SLC25A20: variants seen among roughly 807,000 people sequenced by gnomAD.
SLC25A20 encodes the protein solute carrier family 25 member 20.
Under a neutral mutation model 39.7 loss-of-function variants are expected in SLC25A20, and 29 were observed. The observed-to-expected ratio is 0.73, with a 90% confidence interval of 0.54 to 1.00. The LOEUF (loss-of-function observed/expected upper bound fraction) is 1.00. SLC25A20 is among the 50% of genes least tolerant of loss of function. The pLI is 0.00. For missense variants in SLC25A20, 333 were observed against 379.9 expected (o/e 0.88, Z 1.03); for synonymous variants, 103 against 142.2 (o/e 0.72, Z 1.96).
chr3:48,868,959 C>T (rs2083691455), intron 4 of SLC25A20, among the ~76,000 whole-genome samples: 1 of 152,192 alleles, frequency 6.6e-6, no homozygotes, highest in Admixed American at 6.6e-5. Context: ...GCATCCCTGA[C>T]AGCTGGTACC....
intron 4 of SLC25A20, among the ~76,000 whole-genome samples, chr3:48,871,966 C>T (rs2083718871): frequency 6.7e-6 from 1 of 149,742 alleles, no homozygotes; most frequent in Admixed American, 6.8e-5. Context: ...CAGGTGCATA[C>T]CACCATGCCC....
chr3:48,875,240 T>C (rs2083746870), intron 4 of SLC25A20, among the ~76,000 whole-genome samples: 1 of 150,994 alleles, frequency 6.6e-6, no homozygotes. Flanking sequence ...GTAGCTGGGA[T>C]TACAGACGCC....
intron 5 of SLC25A20, 81 bp from the exon 6 acceptor site, chr3:48,859,708 A>G: frequency 9.1e-7 from 1 of 1,101,896 alleles, no homozygotes; most frequent in Non-Finnish European, 1.4e-6. Context: ...AATCTCAGCA[A>G]TTTAGGAGAT....
At chr3:48,887,294 G>A (rs2083836494) in intron 2 of SLC25A20, among the ~76,000 whole-genome samples, 1 of 152,100 alleles carries the variant, frequency 6.6e-6, no homozygotes, top group African/African-American at 2.4e-5. Flanking sequence ...ACCCCTGCCT[G>A]GCAGCTCCAG....
At chr3:48,888,753 G>C (rs1227504608) in intron 2 of SLC25A20, among the ~76,000 whole-genome samples, 2 of 151,784 alleles carry the variant, frequency 1.3e-5, no homozygotes, top group Non-Finnish European at 2.9e-5. Context: ...TTTAATCAAG[G>C]CTATAAATTT....
intron 4 of SLC25A20, among the ~76,000 whole-genome samples, chr3:48,869,805 T>A (rs1472388956): frequency 2.0e-5 from 3 of 151,990 alleles, no homozygotes; most frequent in Non-Finnish European, 4.4e-5. Flanking sequence ...GGTGAGACTC[T>A]GTCTCTAGAA....
chr3:48,859,267 C>G (rs2083604851), intron 6 of SLC25A20, 66 bp from the exon 7 acceptor site: 3 of 1,446,976 alleles, frequency 2.1e-6, no homozygotes, highest in Admixed American at 3.5e-5. Context: ...GACTATCCTG[C>G]CTGTGGCAGA....
At chr3:48,870,816 T>C (rs1299586787) in intron 4 of SLC25A20, among the ~76,000 whole-genome samples, 1 of 17,878 alleles carries the variant, frequency 5.6e-5, no homozygotes, top group Non-Finnish European at 1.2e-4. Flanking sequence ...GGAATCAGAT[T>C]TTTTTTTTTT....
chr3:48,881,508 G>A (rs1011810969), intron 3 of SLC25A20, among the ~76,000 whole-genome samples: 1 of 152,168 alleles, frequency 6.6e-6, no homozygotes. Context: ...AGGCATCTTT[G>A]AGAGCTAGAC....
In SLC25A20 at chr3:48,858,731, A is replaced by T; in HGVS notation, c.719-100T>A. 2.1e-6 allele frequency: 3 copies of T among 1,453,644 alleles called. No homozygotes were observed. In the South Asian group the frequency reaches 3.4e-5, roughly 17 times the overall value. 90.0% of individuals were successfully genotyped at this position (1,453,644 alleles called of 1,614,324 possible). A position where few individuals can be genotyped will look rare whatever the true frequency, so the allele number is the denominator to read the frequency against. On this transcript the variant is annotated intron_variant, in intron 7 of 8. Transcript: ENST00000319017. ...CTAGCACAGGGAAAGGACACCTTGC[A>T]GGTCATGTGGGACCAGTCCATAGAC...
At position 48,889,101 on chromosome 3, in the gene SLC25A20, A is replaced by C. The variant is rs1270322981; in HGVS notation, c.198+2879T>G. Among the ~76,000 whole-genome samples, 3 of 152,030 alleles carry C rather than the reference A, an allele frequency of 2.0e-5. No individual in the cohort carries two copies. In the East Asian group the frequency reaches 5.8e-4, roughly 29 times the overall value. On this transcript the variant is annotated intron_variant, in intron 2 of 8. Transcript: ENST00000319017. ...GCAAAACTCCGTCTCAAAAAAAAAA[A>C]AGTTATATTTTAGGAAGCAAAGGAA...
intron 4 of SLC25A20, among the ~76,000 whole-genome samples, chr3:48,874,715 G>C (rs2106648573): frequency 6.6e-6 from 1 of 152,174 alleles, no homozygotes; most frequent in South Asian, 2.1e-4. Context: ...AATGAATGCA[G>C]TATTCATATA....
chr3:48,893,856 A>G (rs1420842398), intron 1 of SLC25A20, among the ~76,000 whole-genome samples: 3 of 147,520 alleles, frequency 2.0e-5, no homozygotes, highest in Non-Finnish European at 3.0e-5. Flanking sequence ...AAAAAAGAAA[A>G]AAAAAAAAAA....
chr3:48,894,453 A>G (rs1313327595), intron 1 of SLC25A20, among the ~76,000 whole-genome samples: 1 of 136,092 alleles, frequency 7.3e-6, no homozygotes, highest in East Asian at 2.2e-4. Flanking sequence ...TTTTTTTTTT[A>G]GTAGAGACAG....
In SLC25A20 at chr3:48,857,806, C is replaced by A. The variant is rs375410820; in HGVS notation, c.844-34G>T. The A allele has an allele frequency of 2.2e-3, 3,570 of 1,592,486 alleles. 108 individuals carry two copies. The South Asian group carries it at 0.037, about 17-fold the overall frequency. ...GGATTGGGAGGAAGAAAAAAGCCAG[C>A]AGGAATAACTATTCATAGACTATTC... On this transcript the variant is annotated intron_variant, in intron 8 of 8. Coordinates refer to ENST00000319017, the MANE Select transcript of SLC25A20 (RefSeq NM_000387.6).
At chr3:48,888,207 GAAAAAAAA>G (rs751937375) in intron 2 of SLC25A20, among the ~76,000 whole-genome samples, 3 of 44,242 alleles carry the variant, frequency 6.8e-5, no homozygotes, top group African/African-American at 2.6e-4. Context: ...ACTCCATCTC[GAAAAAAAA>G]AAAAAAAAAA....
At chr3:48,896,484 TTTTG>T (rs2083910532) in intron 1 of SLC25A20, among the ~76,000 whole-genome samples, 1 of 1,278 alleles carries the variant, frequency 7.8e-4, no homozygotes, top group Non-Finnish European at 2.1e-3. Flanking sequence ...TGCAGGTGGT[TTTTG>T]TTTTGTTTTG....
intron 3 of SLC25A20, among the ~76,000 whole-genome samples, chr3:48,881,495 G>C (rs893380513): frequency 6.6e-5 from 10 of 152,086 alleles, no homozygotes; most frequent in African/African-American, 1.9e-4. Context: ...CTCCATCCCA[G>C]GGAGGCATCT....
At position 48,858,630 on chromosome 3, in the gene SLC25A20, T is replaced by C. The variant is rs142417191; in HGVS notation, c.720A>G (p.Ala240=). Residue 240 remains alanine (A), a splice_region_variant and synonymous_variant, in exon 8 of 9, where the codon GCA becomes GCG. Coordinates refer to ENST00000319017, the MANE Select transcript of SLC25A20 (RefSeq NM_000387.6). ...AACCATTAGGATATTTCCCAGGAGG[T>C]GCTGTGGGGCAGAACCCAATTTTTA... ...PDVLKSRFQT[A]PPGKYPNGFR... is the part of the protein sequence containing the mutation. The C allele has an allele frequency of 1.1e-4, 172 of 1,613,902 alleles. 1 individual carries two copies. The African/African-American group carries it at 1.2e-3, about 11-fold the overall frequency.
Sources: gnomAD v4.1 joint callset for allele counts (sites outside exome capture counted in the v4.1 genomes callset) on GRCh38, gnomAD v4.1.1 for gene constraint, MANE v1.5 for transcripts, NCBI Gene and HGNC (gene_info 2026-07-23, HGNC 2026-07-21) for gene names.